Variants in EPB41L1 observed in about 807,000 individuals in gnomAD.
EPB41L1 encodes the protein band 4.1-like protein 1.
A neutral mutation model predicts 97.8 loss-of-function variants in EPB41L1; 29 were observed. The ratio of observed to expected loss-of-function variants is 0.30; its 90% CI spans 0.22 to 0.40. The LOEUF (loss-of-function observed/expected upper bound fraction) is 0.40, where lower values mean the gene tolerates loss of function less well. EPB41L1 is among the 10% of genes least tolerant of loss of function. EPB41L1 has a pLI of 1.00. For synonymous variants in EPB41L1, 383 were observed against 459.2 expected (o/e 0.83, Z 2.12); for missense variants, 812 against 1,162.3 (o/e 0.70, Z 4.38).
In EPB41L1 at chr20:36,156,027, C is replaced by T. The variant is rs552654852; in HGVS notation, c.-15+1131C>T. 2.0e-5 allele frequency among the ~76,000 whole-genome samples: 3 copies of T among 152,240 alleles called. No homozygotes were observed. The South Asian group carries it at 6.2e-4, about 32-fold the overall frequency. ...GGAAGACAGTGCCTCCTGTCCCGGG[C>T]AAGGGTGTGGAGAATAGAGGCAGCT... On this transcript the variant is annotated intron_variant, in intron 1 of 21. Transcript: ENST00000338074.
chr20:36,146,465 C>G (rs2059836229), intron 2 of EPB41L1, among the ~76,000 whole-genome samples: 2 of 152,252 alleles, frequency 1.3e-5, no homozygotes, highest in Non-Finnish European at 2.9e-5. Context: ...CCGGCAGGAG[C>G]TGCCTAAGCA....
Position 36,203,146 on chromosome 20 carries a change from C to A in EPB41L1, c.1668+5105C>A, listed in dbSNP as rs188545879. On this transcript the variant is annotated intron_variant, in intron 14 of 21. Transcript: ENST00000338074. ...GGGTTAGAACGACTTTCACGCCAAC[C>A]CCTCGGGCCAGGTGTGTGGCTCTAC... Among the ~76,000 whole-genome samples, 116 of 152,340 alleles carry A rather than the reference C, an allele frequency of 7.6e-4. 3 individuals carry two copies. The highest frequency in any genetic ancestry group is 2.6e-3 in the African/African-American group (110 of 41,582).
chr20:36,101,957 A>T lies in EPB41L1; in HGVS notation c.-65+10345A>T, dbSNP rs547952977. Among the ~76,000 whole-genome samples the T allele has an allele frequency of 7.9e-5, 12 of 152,130 alleles. No individual in the cohort carries two copies. The South Asian group carries it at 2.5e-3, about 32-fold the overall frequency. On this transcript the variant is annotated intron_variant, in intron 1 of 19. Coordinates refer to the EPB41L1 transcript ENST00000202028. ...GAGGCGGAGGTTGCAGTGAGCTGAG[A>T]TCACACCATTGCACTCCAGCCTGTG... is the stretch of plus-strand genomic sequence containing the variant.
intron 21 of EPB41L1, among the ~76,000 whole-genome samples, chr20:36,226,330 G>A (rs964314448): frequency 3.9e-5 from 6 of 152,192 alleles, no homozygotes; most frequent in Non-Finnish European, 5.9e-5. Context: ...AAATGGCAAT[G>A]ATCATCACAG....
intron 1 of EPB41L1, among the ~76,000 whole-genome samples, chr20:36,110,477 G>A (rs539921713): frequency 8.5e-5 from 13 of 152,208 alleles, no homozygotes; most frequent in Admixed American, 7.9e-4. Context: ...TTCTGAGAAA[G>A]AGGCTTTTGT....
At position 36,092,333 on chromosome 20, in the gene EPB41L1, T is replaced by C. The variant is rs2057683232; in HGVS notation, c.-65+721T>C. Among the ~76,000 whole-genome samples, 1 of 152,220 alleles carries C rather than the reference T, an allele frequency of 6.6e-6. No homozygotes were observed. The highest frequency in any genetic ancestry group is 2.1e-4 in the South Asian group (1 of 4,830). On this transcript the variant is annotated intron_variant, in intron 1 of 19. Transcript: ENST00000202028. This position sits in a 1 kb window ranked among gnomAD's most constrained non-coding sequence, Gnocchi z 7.0. ...GGGGGCCCCGGGTGGGGTCTGCTCC[T>C]CTTCTTCGCCCGGCCTCTGAGCCCG...
At chr20:36,203,089 G>A (rs1391896403) in intron 14 of EPB41L1, among the ~76,000 whole-genome samples, 1 of 152,214 alleles carries the variant, frequency 6.6e-6, no homozygotes, top group Admixed American at 6.5e-5. Context: ...GGCTACCTGG[G>A]GCTACCCTAA....
chr20:36,112,106 C>A (rs1362623743), intron 1 of EPB41L1, among the ~76,000 whole-genome samples: 1 of 152,202 alleles, frequency 6.6e-6, no homozygotes, highest in Non-Finnish European at 1.5e-5. Flanking sequence ...AACCTCCTAA[C>A]TGATGTTCCT....
intron 2 of EPB41L1, among the ~76,000 whole-genome samples, chr20:36,116,384 C>T (rs570941898): frequency 1.3e-5 from 2 of 152,226 alleles, no homozygotes; most frequent in East Asian, 3.9e-4. Flanking sequence ...CAGAAGGTGC[C>T]TTCTTCTTCC....
chr20:36,125,587 T>C, intron 2 of EPB41L1: 2 of 1,525,876 alleles, frequency 1.3e-6, no homozygotes, highest in Non-Finnish European at 1.8e-6. Context: ...GAACCACAAG[T>C]GCACAGAGGC....
At chr20:36,193,065 G>T (rs1600857721) in intron 11 of EPB41L1, among the ~76,000 whole-genome samples, 2 of 152,292 alleles carry the variant, frequency 1.3e-5, no homozygotes, top group East Asian at 1.9e-4. Flanking sequence ...GACAACTGGG[G>T]TTTATGCAAA....
chr20:36,216,735 A>G (rs1329372649), intron 17 of EPB41L1, among the ~76,000 whole-genome samples: 2 of 152,158 alleles, frequency 1.3e-5, no homozygotes, highest in Admixed American at 1.3e-4. Context: ...CCCACATGCC[A>G]CTGGGAGAGA....
intron 1 of EPB41L1, among the ~76,000 whole-genome samples, chr20:36,158,800 C>T (rs1282560643): frequency 6.6e-6 from 1 of 152,208 alleles, no homozygotes; most frequent in Non-Finnish European, 1.5e-5. Context: ...GTAATGCTAA[C>T]ACATTGCAGG....
intron 2 of EPB41L1, among the ~76,000 whole-genome samples, chr20:36,143,318 G>T (rs1386777460): frequency 3.9e-5 from 6 of 152,016 alleles, no homozygotes; most frequent in African/African-American, 1.5e-4. Flanking sequence ...CAGCTAGTGG[G>T]GGTAGCAGTA....
Position 36,212,362 on chromosome 20 carries a change from A to G in EPB41L1, c.2170A>G (p.Met724Val), listed in dbSNP as rs1226621569. 1.9e-6 allele frequency: 3 copies of G among 1,614,058 alleles called. No homozygotes were observed. The highest frequency in any genetic ancestry group is 1.7e-5 in the Admixed American group (1 of 60,012). Residue 724 changes from methionine to valine, a missense_variant, in exon 16 of 22, where the codon ATG (methionine) becomes GTG (valine). By Grantham distance (21) the Met-to-Val change is conservative. Transcript: ENST00000338074. The surrounding 1 kb of genome is among the most constrained non-coding windows in gnomAD (Gnocchi z 4.8). ...EAVLQTRVSAMDNTQQVDGSA... is the reference protein window; with the variant it reads ...EAVLQTRVSAVDNTQQVDGSA... ...CGTACTGCAGACCAGAGTCTCCGCTATGGATAACACCCAGGTAACTTGTGC... is the reference window on the plus strand; with the variant it reads ...CGTACTGCAGACCAGAGTCTCCGCTGTGGATAACACCCAGGTAACTTGTGC...
chr20:36,198,641 T>A (rs577152304), intron 14 of EPB41L1, among the ~76,000 whole-genome samples: 14 of 152,256 alleles, frequency 9.2e-5, no homozygotes, highest in African/African-American at 3.4e-4. Flanking sequence ...GAGTGGGGTG[T>A]TTTCTCGATT....
intron 4 of EPB41L1, among the ~76,000 whole-genome samples, 178 bp from the exon 5 acceptor site, chr20:36,178,452 T>A (rs1031598628): frequency 1.3e-5 from 2 of 152,026 alleles, no homozygotes; most frequent in Admixed American, 6.6e-5. Flanking sequence ...TGGTGGTGAA[T>A]CCTGGCCCCA....
chr20:36,197,793 C>A, intron 13 of EPB41L1, 66 bp from the exon 14 acceptor site: 3 of 1,613,348 alleles, frequency 1.9e-6, no homozygotes, highest in Non-Finnish European at 8.5e-7. Flanking sequence ...TGCCATCATC[C>A]CTGCACCCTG....
intron 1 of EPB41L1, among the ~76,000 whole-genome samples, chr20:36,172,189 C>T (rs894971015): frequency 6.6e-6 from 1 of 152,142 alleles, no homozygotes; most frequent in Non-Finnish European, 1.5e-5. Flanking sequence ...AGCGATTCTC[C>T]TGCTTCAGCC....
Sources: gnomAD v4.1 joint callset for allele counts (sites outside exome capture counted in the v4.1 genomes callset) on GRCh38, gnomAD v4.1.1 for gene constraint, Gnocchi (gnomAD v3.1) non-coding constraint, MANE v1.5 for transcripts, NCBI Gene and HGNC (gene_info 2026-07-23, HGNC 2026-07-21) for gene names.